SV2C: variants seen among roughly 807,000 people sequenced by gnomAD.
SV2C encodes the protein synaptic vesicle glycoprotein 2C, also known as solute carrier family 22 member B3.
Under a neutral mutation model 79.7 loss-of-function variants are expected in SV2C, and 49 were observed. The ratio of observed to expected loss-of-function variants is 0.61; its 90% CI spans 0.49 to 0.78. The LOEUF (loss-of-function observed/expected upper bound fraction) is 0.78. Ranked by LOEUF, SV2C falls within the 30% of genes least tolerant of loss-of-function variation. SV2C has a pLI of 0.00. For missense variants in SV2C, 833 were observed against 912.9 expected (o/e 0.91, Z 1.13); for synonymous variants, 334 against 333.2 (o/e 1.00, Z -0.03).
chr5:75,857,735 T>G, the SV2C span, among the ~76,000 whole-genome samples: 1 of 152,244 alleles, frequency 6.6e-6, no homozygotes, highest in Non-Finnish European at 1.5e-5. Flanking sequence ...TTCTAATCCA[T>G]TAGCATGAAA....
At chr5:76,104,516 C>G (rs1747846065) in intron 1 of SV2C, among the ~76,000 whole-genome samples, 1 of 152,188 alleles carries the variant, frequency 6.6e-6, no homozygotes, top group African/African-American at 2.4e-5. Context: ...TCCCAAGGAG[C>G]TGGGACTACA....
intron 4 of SV2C, among the ~76,000 whole-genome samples, chr5:76,246,240 T>A (rs1198964012): frequency 6.6e-6 from 1 of 152,160 alleles, no homozygotes; most frequent in Admixed American, 6.5e-5. Flanking sequence ...TTCATTCATT[T>A]TTATCATAAG....
At chr5:76,017,361 A>G in the SV2C span, among the ~76,000 whole-genome samples, 3 of 152,106 alleles carry the variant, frequency 2.0e-5, no homozygotes, top group Admixed American at 1.3e-4. Flanking sequence ...ATCTTGGCTC[A>G]CTGCAACCTC....
intron 4 of SV2C, among the ~76,000 whole-genome samples, chr5:76,242,770 C>T (rs180861398): frequency 2.2e-3 from 331 of 152,022 alleles, no homozygotes; most frequent in Non-Finnish European, 2.9e-3. Flanking sequence ...TGGTAGCTCA[C>T]GCCTGTAATC....
At chr5:75,852,275 G>C in the SV2C span, among the ~76,000 whole-genome samples, 1 of 152,016 alleles carries the variant, frequency 6.6e-6, no homozygotes. Context: ...TAACAAACCT[G>C]CACGTTCTGC....
chr5:76,043,610 C>A, the SV2C span, among the ~76,000 whole-genome samples: 1 of 152,190 alleles, frequency 6.6e-6, no homozygotes, highest in Non-Finnish European at 1.5e-5. Flanking sequence ...CAAGTTAATG[C>A]ATATTTTGTT....
At chr5:76,019,076 A>G in the SV2C span, among the ~76,000 whole-genome samples, 1 of 152,182 alleles carries the variant, frequency 6.6e-6, no homozygotes, top group Non-Finnish European at 1.5e-5. Flanking sequence ...AAAGGAGACT[A>G]TGATAAAAAG....
intron 1 of SV2C, among the ~76,000 whole-genome samples, chr5:76,125,795 C>T (rs568283431): frequency 2.6e-5 from 4 of 152,274 alleles, no homozygotes; most frequent in African/African-American, 9.6e-5. Flanking sequence ...CAGTGGCTCA[C>T]ACCTGTAATC....
chr5:76,128,598 A>C (rs866019953), intron 1 of SV2C, among the ~76,000 whole-genome samples: 1 of 152,214 alleles, frequency 6.6e-6, no homozygotes, highest in Non-Finnish European at 1.5e-5. Context: ...TCTAAGCCTT[A>C]ATTTTTCATC....
chr5:76,033,003 G>A, the SV2C span, among the ~76,000 whole-genome samples: 3 of 152,114 alleles, frequency 2.0e-5, no homozygotes, highest in African/African-American at 4.8e-5. Flanking sequence ...GCCAGTGATG[G>A]TGAGCATTTT....
At chr5:76,317,326 G>A (rs1748657929) in intron 12 of SV2C, among the ~76,000 whole-genome samples, 1 of 152,054 alleles carries the variant, frequency 6.6e-6, no homozygotes, top group African/African-American at 2.4e-5. Flanking sequence ...TTTTCAAAAT[G>A]CCCCATGCTG....
the SV2C span, among the ~76,000 whole-genome samples, chr5:75,970,976 A>G: frequency 1.3e-5 from 2 of 152,124 alleles, no homozygotes; most frequent in East Asian, 1.9e-4. Flanking sequence ...CTTATCCACC[A>G]TAATCAAGTG....
intron 2 of SV2C, among the ~76,000 whole-genome samples, chr5:76,163,329 G>T (rs1050759058): frequency 6.6e-6 from 1 of 152,222 alleles, no homozygotes; most frequent in African/African-American, 2.4e-5. Context: ...CTGGCACACA[G>T]TTATTACTCA....
chr5:76,336,338 G>A (rs544697044), downstream of SV2C, among the ~76,000 whole-genome samples: 13 of 152,032 alleles, frequency 8.6e-5, no homozygotes, highest in South Asian at 2.5e-3. Flanking sequence ...AGGGGATGGC[G>A]GCTGGGAAGA....
At chr5:76,282,764 C>T (rs1747236594) in intron 4 of SV2C, among the ~76,000 whole-genome samples, 1 of 152,154 alleles carries the variant, frequency 6.6e-6, no homozygotes, top group Non-Finnish European at 1.5e-5. Flanking sequence ...AATCCCAGCA[C>T]TTTGGGAGGC....
the SV2C span, among the ~76,000 whole-genome samples, chr5:76,011,813 A>G: frequency 3.3e-5 from 5 of 152,218 alleles, no homozygotes; most frequent in Middle Eastern, 6.8e-3. Flanking sequence ...CCCTGTGTCC[A>G]TGTATTCTCA....
chr5:76,060,105 G>A, the SV2C span, among the ~76,000 whole-genome samples: 10 of 152,198 alleles, frequency 6.6e-5, no homozygotes, highest in Admixed American at 2.6e-4. Flanking sequence ...TCGCTCAGGC[G>A]TTCTTATTTC....
At chr5:76,339,141 C>A (rs1440621028) in intron 12 of SV2C, among the ~76,000 whole-genome samples, 1 of 151,958 alleles carries the variant, frequency 6.6e-6, no homozygotes, top group African/African-American at 2.4e-5. Flanking sequence ...ACAAAATTAA[C>A]GTAAAAGTAA....
the SV2C span, among the ~76,000 whole-genome samples, chr5:75,936,376 G>A: frequency 1.3e-5 from 2 of 152,090 alleles, no homozygotes; most frequent in African/African-American, 4.8e-5. Context: ...AAAATACTTT[G>A]GAGAAAGACT....
Sources: gnomAD v4.1 joint callset for allele counts (sites outside exome capture counted in the v4.1 genomes callset) on GRCh38, gnomAD v4.1.1 for gene constraint, MANE v1.5 for transcripts, NCBI Gene and HGNC (gene_info 2026-07-23, HGNC 2026-07-21) for gene names.